ATP6V0A4: variants seen among roughly 807,000 people sequenced by gnomAD.
The protein encoded by ATP6V0A4 is V-type proton ATPase 116 kDa subunit a 4.
A neutral mutation model predicts 107.3 loss-of-function variants in ATP6V0A4; 86 were observed. The observed-to-expected ratio is 0.80, with a 90% CI of 0.67 to 0.96. The LOEUF (loss-of-function observed/expected upper bound fraction) is 0.96. Among genes scored for constraint, ATP6V0A4 ranks in the 40% least tolerant of loss-of-function variants. The probability of loss-of-function intolerance (pLI) is 0.00; values close to 1 mark genes in which losing one functional copy is unlikely to be tolerated. For missense variants in ATP6V0A4, 908 were observed against 1,045.6 expected (o/e 0.87, Z 1.81); for synonymous variants, 353 against 381.4 (o/e 0.93, Z 0.87).
chr7:138,784,259 T>TATATAC (rs1808066468), intron 2 of ATP6V0A4, among the ~76,000 whole-genome samples: 9 of 32,852 alleles, frequency 2.7e-4, no homozygotes, highest in African/African-American at 9.0e-4. Context: ...TATACATATA[T>TATATAC]ATATATACAT....
rs574198311 is a variant in ATP6V0A4 at position 138,789,017 on chromosome 7, T to C, written c.-120-2757A>G. The stretch of plus-strand genomic sequence containing the variant: ...TTCCAAGGTTAAAGATTGGCCCGGA[T>C]GGTCTCTGAGGTCCTTTTCCAACAC... On this transcript the variant is annotated intron_variant, in intron 1 of 21. Transcript: ENST00000310018. 7.9e-5 allele frequency among the ~76,000 whole-genome samples: 12 copies of C among 152,316 alleles called. No homozygotes were observed. In the East Asian group the frequency reaches 2.3e-3, roughly 29 times the overall value.
chr7:138,742,349 C>T (rs1284643536), intron 14 of ATP6V0A4, among the ~76,000 whole-genome samples: 1 of 152,120 alleles, frequency 6.6e-6, no homozygotes, highest in African/African-American at 2.4e-5. Flanking sequence ...ATCGCTAGAA[C>T]CCGGGAGGCA....
intron 7 of ATP6V0A4, among the ~76,000 whole-genome samples, chr7:138,760,982 A>AT (rs556181218): frequency 8.6e-5 from 13 of 150,598 alleles, no homozygotes; most frequent in Non-Finnish European, 1.3e-4. Flanking sequence ...TTTTATTAAA[A>AT]TTTTTTTTTT....
At chr7:138,746,385 C>CA (rs1432370568) in intron 13 of ATP6V0A4, among the ~76,000 whole-genome samples, 2 of 152,082 alleles carry the variant, frequency 1.3e-5, no homozygotes, top group African/African-American at 4.8e-5. Context: ...GTTTACCATA[C>CA]AAAATCATAT....
At position 138,716,619 on chromosome 7, in the gene ATP6V0A4, A is replaced by G. The variant is rs145880452; in HGVS notation, c.2140-738T>C. ...TGCTCTGTCACTCAGGCTGGAATGC[A>G]GTAGCACAATCATAGCTCACTGCAG... On this transcript the variant is annotated intron_variant, in intron 19 of 21. Coordinates refer to ENST00000310018, the MANE Select transcript of ATP6V0A4 (RefSeq NM_020632.3). Among the ~76,000 whole-genome samples, 668 of 151,880 alleles carry G rather than the reference A, an allele frequency of 4.4e-3. 4 individuals carry two copies. Among genetic ancestry groups the G allele is most frequent in the African/African-American group, 0.015 (636 of 41,344 alleles).
At chr7:138,743,658 T>G (rs1158618097) in intron 14 of ATP6V0A4, among the ~76,000 whole-genome samples, 1 of 152,152 alleles carries the variant, frequency 6.6e-6, no homozygotes, top group Non-Finnish European at 1.5e-5. Context: ...ATTGTGAACA[T>G]GTTTACCTAG....
Position 138,773,460 on chromosome 7 carries a change from C to T in ATP6V0A4, c.-17-2196G>A, listed in dbSNP as rs1190675847. 6.6e-6 allele frequency among the ~76,000 whole-genome samples: 1 copy of T among 152,160 alleles called. No individual in the cohort carries two copies. Among genetic ancestry groups the T allele is most frequent in the Non-Finnish European group, 1.5e-5 (1 of 68,042 alleles). ...AGGAGCTAAGCCCCCTCCTACATGCCCCCAGAAGAGCAATCATTTGCAATC... is the reference window on the plus strand; with the variant it reads ...AGGAGCTAAGCCCCCTCCTACATGCTCCCAGAAGAGCAATCATTTGCAATC... On this transcript the variant is annotated intron_variant, in intron 2 of 21. Coordinates refer to ENST00000310018, the MANE Select transcript of ATP6V0A4 (RefSeq NM_020632.3). This position sits in a 1 kb window ranked among gnomAD's most constrained non-coding sequence, Gnocchi z 5.4.
intron 20 of ATP6V0A4, among the ~76,000 whole-genome samples, chr7:138,713,330 A>G (rs954303977): frequency 6.6e-6 from 1 of 150,648 alleles, no homozygotes; most frequent in African/African-American, 2.4e-5. Flanking sequence ...TGCTGCAGCC[A>G]CTTGCAGGGC....
rs1339985062 is a variant in ATP6V0A4 at position 138,762,351 on chromosome 7, G to A, written c.501C>T (p.Thr167=). Residue 167 remains threonine, a synonymous_variant, in exon 7 of 22, where the codon ACC becomes ACT. Coordinates refer to ENST00000310018, the MANE Select transcript of ATP6V0A4 (RefSeq NM_020632.3). ...AGAATTACACTAACCCCAACTTTCC[G>A]GTCATATATGCAGGCACTGCTTTCA... is the stretch of plus-strand genomic sequence containing the variant. ...LELKAVPAYM[T]GKLGFIAGVI... 8.1e-6 allele frequency: 13 copies of A among 1,613,988 alleles called. No homozygotes were observed. The highest frequency in any genetic ancestry group is 5.3e-5 in the African/African-American group (4 of 74,876).
intron 19 of ATP6V0A4, among the ~76,000 whole-genome samples, chr7:138,719,372 A>G (rs117106872): frequency 0.016 from 2,407 of 152,228 alleles, 33 homozygotes; most frequent in Middle Eastern, 0.027. Context: ...GGCACCTTAT[A>G]GTTGAAGTGG....
At chr7:138,748,589 T>C (rs548781068) in intron 12 of ATP6V0A4, among the ~76,000 whole-genome samples, 1 of 152,182 alleles carries the variant, frequency 6.6e-6, no homozygotes, top group South Asian at 2.1e-4. Flanking sequence ...GTATTTTTAG[T>C]AGAAACAGGG....
intron 8 of ATP6V0A4, among the ~76,000 whole-genome samples, chr7:138,758,198 A>T (rs879840447): frequency 2.0e-5 from 3 of 152,232 alleles, no homozygotes; most frequent in Non-Finnish European, 2.9e-5. Context: ...AATGATCTTT[A>T]CGAAGGATGC....
chr7:138,723,766 T>A (rs1383612520), intron 18 of ATP6V0A4, among the ~76,000 whole-genome samples: 2 of 151,810 alleles, frequency 1.3e-5, no homozygotes, highest in Admixed American at 1.3e-4. Flanking sequence ...CCTCAGGTGA[T>A]CCACCTGCCT....
At chr7:138,710,097 C>T (rs1803663099) in intron 20 of ATP6V0A4, among the ~76,000 whole-genome samples, 1 of 152,060 alleles carries the variant, frequency 6.6e-6, no homozygotes, top group African/African-American at 2.4e-5. Context: ...GCAATTATGG[C>T]TCATTGCAGC....
At chr7:138,729,868 T>A (rs1400289477) in intron 17 of ATP6V0A4, among the ~76,000 whole-genome samples, 1 of 152,204 alleles carries the variant, frequency 6.6e-6, no homozygotes, top group African/African-American at 2.4e-5. Flanking sequence ...ACTTTATCGG[T>A]TCCATCTTCC....
chr7:138,777,583 C>T (rs1413163447), intron 2 of ATP6V0A4, among the ~76,000 whole-genome samples: 1 of 147,608 alleles, frequency 6.8e-6, no homozygotes, highest in Non-Finnish European at 1.5e-5. Context: ...CCATTGCACC[C>T]CAGCCTGGGC....
At chr7:138,723,973 T>C (rs1031940551) in intron 18 of ATP6V0A4, among the ~76,000 whole-genome samples, 3 of 151,298 alleles carry the variant, frequency 2.0e-5, no homozygotes, top group African/African-American at 7.3e-5. Flanking sequence ...GTTTCATGTT[T>C]GAGCCTAGGA....
At chr7:138,747,091 T>C (rs891167807) in intron 13 of ATP6V0A4, among the ~76,000 whole-genome samples, 11 of 152,196 alleles carry the variant, frequency 7.2e-5, no homozygotes, top group African/African-American at 2.7e-4. Context: ...TTTCTCTCGG[T>C]CATTAGATGG....
At chr7:138,707,850 C>A (rs534764524) in intron 21 of ATP6V0A4, among the ~76,000 whole-genome samples, 1 of 151,614 alleles carries the variant, frequency 6.6e-6, no homozygotes, top group African/African-American at 2.4e-5. Flanking sequence ...GCTTCCCCAC[C>A]CCCATGACAA....
Sources: allele counts gnomAD v4.1 joint callset (sites outside exome capture counted in the v4.1 genomes callset), GRCh38; gene constraint gnomAD v4.1.1; non-coding constraint Gnocchi (gnomAD v3.1); transcripts MANE v1.5; gene names NCBI Gene and HGNC (gene_info 2026-07-23, HGNC 2026-07-21).